Variants in GPC5 observed in about 807,000 individuals in gnomAD.
GPC5 encodes the protein glypican 5.
In GPC5, 47 loss-of-function variants were observed where a neutral mutation model predicts 53.9. The observed-to-expected ratio is 0.87, with a 90% CI of 0.69 to 1.11. GPC5 has a LOEUF of 1.11. GPC5 is among the 50% of genes most tolerant of loss of function. The pLI is 0.00. For synonymous variants in GPC5, 286 were observed against 263.3 expected, an observed-to-expected ratio of 1.09 and a Z score of -0.84; for missense variants, 748 against 713.1, an observed-to-expected ratio of 1.05 and a Z score of -0.56.
intron 5 of GPC5, among the ~76,000 whole-genome samples, chr13:91,813,027 C>A (rs191340599): frequency 6.6e-6 from 1 of 152,130 alleles, no homozygotes; most frequent in African/African-American, 2.4e-5. Flanking sequence ...CAAAGTGTCA[C>A]GGAAGTACTA....
At chr13:91,429,815 G>A (rs1389261469) in intron 1 of GPC5, among the ~76,000 whole-genome samples, 1 of 152,106 alleles carries the variant, frequency 6.6e-6, no homozygotes, top group Non-Finnish European at 1.5e-5. Context: ...TATTTTCATC[G>A]AAGCAGTTTG....
chr13:91,592,278 C>G (rs1345323727), intron 2 of GPC5, among the ~76,000 whole-genome samples: 2 of 152,142 alleles, frequency 1.3e-5, no homozygotes, highest in African/African-American at 4.8e-5. Flanking sequence ...TGAATAGGCT[C>G]TAATTCAGCT....
intron 5 of GPC5, among the ~76,000 whole-genome samples, chr13:91,799,694 G>A (rs1272758602): frequency 1.3e-5 from 2 of 152,080 alleles, no homozygotes; most frequent in East Asian, 3.9e-4. Flanking sequence ...ATGTAGTGTA[G>A]TGTTTTGAAC....
intron 7 of GPC5, among the ~76,000 whole-genome samples, chr13:92,660,579 T>G (rs1231844940): frequency 6.6e-6 from 1 of 151,124 alleles, no homozygotes; most frequent in Non-Finnish European, 1.5e-5. Flanking sequence ...TATTTTTTTT[T>G]GTCTCTCTTT....
At chr13:91,890,696 A>C (rs2039375609) in intron 5 of GPC5, among the ~76,000 whole-genome samples, 1 of 152,236 alleles carries the variant, frequency 6.6e-6, no homozygotes, top group Non-Finnish European at 1.5e-5. Flanking sequence ...TAACAGATAC[A>C]AAGTTTTAAA....
At chr13:92,155,110 C>T (rs1023433391) in intron 7 of GPC5, among the ~76,000 whole-genome samples, 29 of 152,090 alleles carry the variant, frequency 1.9e-4, no homozygotes, top group Non-Finnish European at 1.2e-4. Flanking sequence ...ATCAATATCT[C>T]TCTAGTGTAT....
At chr13:92,427,974 T>A (rs1566586089) in intron 7 of GPC5, among the ~76,000 whole-genome samples, 1 of 152,140 alleles carries the variant, frequency 6.6e-6, no homozygotes, top group Non-Finnish European at 1.5e-5. Flanking sequence ...TGTGGAATAA[T>A]TGAGTAGTTT....
At chr13:92,264,892 GT>G (rs2042792506) in intron 7 of GPC5, among the ~76,000 whole-genome samples, 1 of 89,714 alleles carries the variant, frequency 1.1e-5, no homozygotes, top group Non-Finnish European at 2.4e-5. Context: ...GTGTGTGTGT[GT>G]GTGTGTGTGT....
At chr13:91,897,335 CTGTGTG>C (rs34783532) in intron 5 of GPC5, among the ~76,000 whole-genome samples, 6,843 of 139,382 alleles carry the variant, frequency 0.049, 228 homozygotes, top group Non-Finnish European at 0.068. Context: ...ATAGAGAATG[CTGTGTG>C]TGTGTGTGTG....
rs2041043941 is a variant in GPC5, at chr13:92,053,051, T to A, written c.1402-91779T>A. On this transcript the variant is annotated intron_variant, in intron 6 of 7. Transcript: ENST00000377067. The stretch of plus-strand genomic sequence containing the variant: ...GATGATCTTGGACTGGACAACCGGT[T>A]TCTGAGTTTAAATTTAAACTGTACT... Among the ~76,000 whole-genome samples, 3 of 152,178 alleles carry A rather than the reference T, an allele frequency of 2.0e-5. No homozygotes were observed. In the South Asian group the frequency reaches 6.2e-4, roughly 31 times the overall value.
intron 6 of GPC5, among the ~76,000 whole-genome samples, chr13:92,135,554 T>C (rs538754690): frequency 5.3e-5 from 8 of 152,094 alleles, no homozygotes; most frequent in African/African-American, 1.9e-4. Flanking sequence ...GGATCAGGAA[T>C]GGTAATGGAG....
chr13:92,604,574 A>T (rs1371373265), intron 7 of GPC5, among the ~76,000 whole-genome samples: 1 of 152,216 alleles, frequency 6.6e-6, no homozygotes, highest in East Asian at 1.9e-4. Context: ...GCAATTGCGT[A>T]GATTAATTTC....
At chr13:92,409,933 C>A (rs893162383) in intron 7 of GPC5, among the ~76,000 whole-genome samples, 2 of 152,140 alleles carry the variant, frequency 1.3e-5, no homozygotes, top group African/African-American at 4.8e-5. Context: ...AAAGAATCCA[C>A]AAAGTACACT....
At chr13:91,905,588 A>G (rs567517840) in intron 5 of GPC5, among the ~76,000 whole-genome samples, 1 of 152,236 alleles carries the variant, frequency 6.6e-6, no homozygotes, top group South Asian at 2.1e-4. Flanking sequence ...TAGTTAGGAA[A>G]TGTTTGATCC....
chr13:92,474,835 A>G (rs1189231906), intron 7 of GPC5, among the ~76,000 whole-genome samples: 1 of 152,118 alleles, frequency 6.6e-6, no homozygotes, highest in Non-Finnish European at 1.5e-5. Context: ...TAACAAAGTG[A>G]AGAAGACAGG....
At chr13:91,911,999 A>G (rs114673519) in intron 6 of GPC5, among the ~76,000 whole-genome samples, 1,655 of 152,260 alleles carry the variant, frequency 0.011, 12 homozygotes, top group African/African-American at 0.021. Context: ...CACAACTGGA[A>G]GTGTATGTTT....
chr13:92,382,264 G>T (rs1280941905), intron 7 of GPC5, among the ~76,000 whole-genome samples: 1 of 152,024 alleles, frequency 6.6e-6, no homozygotes, highest in Non-Finnish European at 1.5e-5. Context: ...ATATGGTGCA[G>T]TGTATATACT....
intron 7 of GPC5, chr13:92,447,391 T>C (rs1039879973): frequency 1.3e-5 from 2 of 152,156 alleles, no homozygotes; most frequent in Non-Finnish European, 2.9e-5. Flanking sequence ...GAAATTTATA[T>C]ATAAAGTATA....
At chr13:92,029,210 G>A (rs1449079677) in intron 6 of GPC5, among the ~76,000 whole-genome samples, 3 of 152,092 alleles carry the variant, frequency 2.0e-5, no homozygotes, top group African/African-American at 7.2e-5. Context: ...AAAAAAGAAG[G>A]GGGAAAATGC....
Sources: allele counts gnomAD v4.1 joint callset (sites outside exome capture counted in the v4.1 genomes callset), GRCh38; gene constraint gnomAD v4.1.1; transcripts MANE v1.5; gene names NCBI Gene and HGNC (gene_info 2026-07-23, HGNC 2026-07-21).